The following TM2D1 variants were observed in gnomAD, a reference collection of about 807,000 sequenced individuals.
The protein encoded by TM2D1 is TM2 domain-containing protein 1.
In TM2D1, 15 loss-of-function variants were observed where a neutral mutation model predicts 28.4. That is an observed-to-expected ratio of 0.53 (90% confidence interval 0.35 to 0.81). TM2D1 has a LOEUF of 0.81. Among genes scored for constraint, TM2D1 ranks in the 40% least tolerant of loss-of-function variants. The pLI is 0.01. For synonymous variants in TM2D1, 93 were observed against 96.2 expected (o/e 0.97, Z 0.20); for missense variants, 236 against 254.9 (o/e 0.93, Z 0.50).
At chr1:61,721,372 C>A (rs1644562898) in intron 2 of TM2D1, among the ~76,000 whole-genome samples, 1 of 151,758 alleles carries the variant, frequency 6.6e-6, no homozygotes, top group South Asian at 2.1e-4. Context: ...CGAAACCCTG[C>A]CTCTACTAAA....
intron 2 of TM2D1, among the ~76,000 whole-genome samples, chr1:61,721,651 G>C (rs1222536308): frequency 1.3e-5 from 2 of 151,774 alleles, no homozygotes; most frequent in Non-Finnish European, 2.9e-5. Flanking sequence ...AATTTTGGCT[G>C]GAAGAATGAG....
At chr1:61,685,937 C>T (rs1316755640) in intron 5 of TM2D1, among the ~76,000 whole-genome samples, 4 of 152,164 alleles carry the variant, frequency 2.6e-5, no homozygotes, top group Non-Finnish European at 5.9e-5. Context: ...TGCTTGAGCC[C>T]AGGAGTTCAA....
At chr1:61,713,488 C>CAAAAAAAAAAAAAA (rs369601221) in intron 2 of TM2D1, among the ~76,000 whole-genome samples, 5 of 91,390 alleles carry the variant, frequency 5.5e-5, no homozygotes, top group Non-Finnish European at 4.5e-5. Flanking sequence ...AACTCAAAAA[C>CAAAAAAAAAAAAAA]AAAAAAAAAA....
intron 2 of TM2D1, among the ~76,000 whole-genome samples, chr1:61,717,558 G>A (rs2185983): frequency 0.068 from 9,864 of 145,468 alleles, 790 homozygotes; most frequent in African/African-American, 0.19. Flanking sequence ...AAAAGCAACA[G>A]TGTGGTTTTT....
chr1:61,696,542 CA>C (rs10710571), intron 4 of TM2D1, among the ~76,000 whole-genome samples: 99,637 of 121,636 alleles, frequency 0.82, 39,989 homozygotes, highest in South Asian at 0.9. Flanking sequence ...AACCTTGTCT[CA>C]AAAAAAAAAA....
chr1:61,701,049 A>T, intron 3 of TM2D1, 24 bp from the exon 4 acceptor site: 1 of 1,552,508 alleles, frequency 6.4e-7, no homozygotes, highest in South Asian at 1.2e-5. Context: ...AAATCTGAGT[A>T]TCATATTTCC....
chr1:61,688,089 TAAAG>T lies in TM2D1; in HGVS notation c.514-4547_514-4544del, dbSNP rs148463147. ...TCAGAACACCTGACTTCATTTGACT[TAAAG>T]AATTCTTAGTATTAATCATAAATGA... On this transcript the variant is annotated intron_variant, in intron 5 of 6. Transcript: ENST00000606498. 7.4e-3 allele frequency among the ~76,000 whole-genome samples: 1,130 copies of T among 152,336 alleles called. 9 individuals are homozygous for T. The highest frequency in any genetic ancestry group is 0.013 in the Non-Finnish European group (906 of 68,028).
At chr1:61,689,565 G>A (rs1644309260) in intron 5 of TM2D1, among the ~76,000 whole-genome samples, 2 of 152,170 alleles carry the variant, frequency 1.3e-5, no homozygotes, top group Admixed American at 1.3e-4. Context: ...TAGATAAGGA[G>A]TTTCACTGTG....
intron 2 of TM2D1, among the ~76,000 whole-genome samples, chr1:61,711,092 C>T (rs1001331133): frequency 6.6e-6 from 1 of 152,082 alleles, no homozygotes; most frequent in African/African-American, 2.4e-5. Flanking sequence ...GATCCCAGCA[C>T]TTTGAGAGGC....
chr1:61,698,992 C>T (rs992463034), intron 4 of TM2D1: 7 of 151,982 alleles, frequency 4.6e-5, no homozygotes, highest in East Asian at 1.9e-4. Context: ...ATAAAAATGC[C>T]TAAATTCCTT....
chr1:61,684,357 T>C (rs1165321335), intron 5 of TM2D1, among the ~76,000 whole-genome samples: 2 of 152,194 alleles, frequency 1.3e-5, no homozygotes, highest in African/African-American at 2.4e-5. Context: ...CATGCTACAC[T>C]GGAAGCATCC....
intron 5 of TM2D1, among the ~76,000 whole-genome samples, chr1:61,693,746 T>C (rs920111097): frequency 2.0e-5 from 3 of 152,172 alleles, no homozygotes; most frequent in African/African-American, 7.2e-5. Context: ...GCAGACAGAA[T>C]TGAAGAGTGG....
chr1:61,709,453 G>A lies in TM2D1; in HGVS notation c.239-16C>T. ...AAACAGGAAACTGAAGGCAGAAAAA[G>A]TCAAGAAACTGTTATTTTTTTTTTC... On this transcript the variant is annotated splice_polypyrimidine_tract_variant and intron_variant, in intron 2 of 6. Transcript: ENST00000606498. The A allele has an allele frequency of 1.3e-6, 2 of 1,559,164 alleles. No homozygotes were observed. The highest frequency in any genetic ancestry group is 1.8e-6 in the Non-Finnish European group (2 of 1,132,212).
Position 61,683,458 on chromosome 1 carries a change from C to G in TM2D1, c.602G>C (p.Arg201Thr). 2.0e-6 allele frequency: 3 copies of G among 1,468,568 alleles called. No homozygotes were observed. Among genetic ancestry groups the G allele is most frequent in the Non-Finnish European group, 2.7e-6 (3 of 1,097,160 alleles). The allele number at this position is 1,468,568 out of a possible 1,614,324, so 91.0% of individuals were successfully genotyped here. A position where few individuals can be genotyped will look rare whatever the true frequency, so the allele number is the denominator to read the frequency against. ...TATTTATGGATATAATTGCGTTTTT[C>G]TAAATGTTTCATTAGTAATACTCAG... ...TRLSITNETF[R>T]KTQLYP The change falls in exon 6 of 7, where the codon AGA becomes ACA. Residue 201 changes from arginine to threonine, a missense_variant. By Grantham distance (71) the Arg-to-Thr change is moderately conservative. Coordinates refer to ENST00000606498, the MANE Select transcript of TM2D1 (RefSeq NM_032027.3).
intron 2 of TM2D1, among the ~76,000 whole-genome samples, chr1:61,720,071 C>T (rs1344606501): frequency 6.6e-6 from 1 of 152,142 alleles, no homozygotes; most frequent in Admixed American, 6.5e-5. Context: ...ATGCACTTTT[C>T]TGTAAACATA....
At chr1:61,682,552 T>C (rs72925634) in intron 6 of TM2D1, among the ~76,000 whole-genome samples, 35 of 152,076 alleles carry the variant, frequency 2.3e-4, no homozygotes, top group African/African-American at 7.2e-4. Context: ...AACCAGAGAG[T>C]TGAACCAGGA....
chr1:61,688,416 A>G (rs920291306), intron 5 of TM2D1, among the ~76,000 whole-genome samples: 3 of 152,190 alleles, frequency 2.0e-5, no homozygotes, highest in African/African-American at 7.2e-5. Context: ...TATCTGAAAG[A>G]TTTGATGTCT....
Position 61,725,139 on chromosome 1 carries a change from C to G in TM2D1, c.-19G>C, listed in dbSNP as rs1216056622. On this transcript the variant is annotated 5_prime_UTR_variant, in exon 1 of 7. Coordinates refer to ENST00000606498, the MANE Select transcript of TM2D1 (RefSeq NM_032027.3). ...CCGCCATCTTGGAGACCGACACTTT[C>G]TCGCCACTTCCGCTTCCGCCTCCGC... 6.2e-7 allele frequency: 1 copy of G among 1,613,232 alleles called. No individual in the cohort carries two copies. Among genetic ancestry groups the G allele is most frequent in the South Asian group, 1.1e-5 (1 of 91,072 alleles).
At chr1:61,704,837 G>A (rs1437368842) in intron 3 of TM2D1, among the ~76,000 whole-genome samples, 1 of 152,136 alleles carries the variant, frequency 6.6e-6, no homozygotes, top group Non-Finnish European at 1.5e-5. Flanking sequence ...GGCTGAGGTG[G>A]GAGGATCACT....
Sources: allele counts gnomAD v4.1 joint callset (sites outside exome capture counted in the v4.1 genomes callset), GRCh38; gene constraint gnomAD v4.1.1; transcripts MANE v1.5; gene names NCBI Gene and HGNC (gene_info 2026-07-23, HGNC 2026-07-21).